GON4L: variants seen among roughly 807,000 people sequenced by gnomAD.
GON4L encodes GON-4-like protein.
Under a neutral mutation model 211.8 loss-of-function variants are expected in GON4L, and 87 were observed. That is an observed-to-expected ratio of 0.41 (90% CI 0.35 to 0.49). The LOEUF (loss-of-function observed/expected upper bound fraction) is 0.49, where lower values mean the gene tolerates loss of function less well. Ranked by LOEUF, GON4L falls within the 20% of genes least tolerant of loss-of-function variation. The pLI is 0.15. For synonymous variants in GON4L, 875 were observed against 962.6 expected, an observed-to-expected ratio of 0.91 and a Z score of 1.68; for missense variants, 2,155 against 2,659.5, an observed-to-expected ratio of 0.81 and a Z score of 4.17.
At chr1:155,755,895 T>C (rs999834433) in intron 27 of GON4L, among the ~76,000 whole-genome samples, 1 of 150,480 alleles carries the variant, frequency 6.6e-6, no homozygotes, top group African/African-American at 2.5e-5. Flanking sequence ...AGAGGTTAAA[T>C]ACGTTTCCCA....
At chr1:155,787,794 A>C (rs114594578) in intron 12 of GON4L, among the ~76,000 whole-genome samples, 4 of 151,712 alleles carry the variant, frequency 2.6e-5, no homozygotes. Context: ...AAATAAATAA[A>C]TTAGCCAGTC....
In GON4L at chr1:155,773,205, C is replaced by G. The variant is rs1019918503; in HGVS notation, c.2356G>C (p.Glu786Gln). The G allele has an allele frequency of 2.5e-6, 4 of 1,613,922 alleles. No homozygotes were observed. In the African/African-American group the frequency reaches 4.0e-5, roughly 16 times the overall value. Residue 786 changes from glutamate (E) to glutamine (Q), a missense_variant, in exon 18 of 32, where the codon GAA becomes CAA. Coordinates refer to ENST00000368331, the MANE Select transcript of GON4L (RefSeq NM_001282860.2). ...PHKTVKKTANEFPCLPKQVAW... is the reference protein window; with the variant it reads ...PHKTVKKTANQFPCLPKQVAW... ...ACTTGCTTTGGCAAACAGGGAAATT[C>G]ATTCGCTATAAGAAAATAAATCTCG...
At chr1:155,772,974 A>G in intron 18 of GON4L, 92 bp downstream of exon 18, 1 of 1,506,878 alleles carries the variant, frequency 6.6e-7, no homozygotes. Context: ...GTGTCTTATT[A>G]TACAAGTCTT....
chr1:155,810,002 A>ATATATATG (rs1236765722), intron 10 of GON4L, among the ~76,000 whole-genome samples: 1 of 133,516 alleles, frequency 7.5e-6, no homozygotes, highest in Admixed American at 8.4e-5. Flanking sequence ...TTATATATAT[A>ATATATATG]TATATATTTT....
chr1:155,816,173 T>C, intron 7 of GON4L, 39 bp downstream of exon 7: 1 of 1,006,780 alleles, frequency 9.9e-7, no homozygotes, highest in Non-Finnish European at 1.6e-6. Flanking sequence ...CGATGAAGTC[T>C]TTCTGGAAAA....
At position 155,811,025 on chromosome 1, in the gene GON4L, A is replaced by C. The variant is rs1219639545; in HGVS notation, c.1452+2609T>G. On this transcript the variant is annotated intron_variant, in intron 10 of 31. Transcript: ENST00000368331. Reference sequence around the variant, plus strand: ...CAGACTGTGACTCCATATCCAAAAAATAAAAAATTACTCACTAAATGTTAG... The same window carrying C: ...CAGACTGTGACTCCATATCCAAAAACTAAAAAATTACTCACTAAATGTTAG... Among the ~76,000 whole-genome samples, 3 of 152,120 alleles carry C rather than the reference A, an allele frequency of 2.0e-5. No individual in the cohort carries two copies. In the East Asian group the frequency reaches 5.8e-4, roughly 29 times the overall value.
intron 2 of GON4L, among the ~76,000 whole-genome samples, chr1:155,842,208 G>C (rs1384107578): frequency 1.3e-5 from 2 of 151,974 alleles, no homozygotes; most frequent in Non-Finnish European, 2.9e-5. Context: ...ATTGTTCCCT[G>C]TTTAACCAGG....
intron 8 of GON4L, 78 bp downstream of exon 8, chr1:155,815,727 T>C: frequency 1.2e-6 from 1 of 842,408 alleles, no homozygotes; most frequent in Admixed American, 1.8e-5. Context: ...CTCAATCCTC[T>C]CTACAAGTGA....
At chr1:155,800,570 T>G (rs1396598690) in intron 11 of GON4L, among the ~76,000 whole-genome samples, 1 of 151,530 alleles carries the variant, frequency 6.6e-6, no homozygotes, top group African/African-American at 2.4e-5. Flanking sequence ...AAAAATGGTT[T>G]AGGCCAGGTG....
At chr1:155,852,654 A>G (rs563078135) in intron 2 of GON4L, among the ~76,000 whole-genome samples, 206 of 152,146 alleles carry the variant, frequency 1.4e-3, no homozygotes, top group Non-Finnish European at 2.5e-3. Flanking sequence ...GAGGCAGGAG[A>G]ATGGCGTGAA....
intron 10 of GON4L, among the ~76,000 whole-genome samples, chr1:155,808,533 T>C (rs1667376550): frequency 6.6e-6 from 1 of 152,198 alleles, no homozygotes; most frequent in Admixed American, 6.5e-5. Context: ...GTTTCTTCCA[T>C]ATGGAGCACT....
At chr1:155,812,714 C>A (rs1296887784) in intron 10 of GON4L, among the ~76,000 whole-genome samples, 1 of 152,070 alleles carries the variant, frequency 6.6e-6, no homozygotes, top group Non-Finnish European at 1.5e-5. Context: ...CGCCACGACA[C>A]CTGGCAAATT....
chr1:155,801,572 A>T (rs1370703568), intron 11 of GON4L, among the ~76,000 whole-genome samples: 3 of 152,082 alleles, frequency 2.0e-5, no homozygotes, highest in Non-Finnish European at 4.4e-5. Flanking sequence ...TCTCTTTTTT[A>T]AAATTTTATT....
intron 12 of GON4L, among the ~76,000 whole-genome samples, chr1:155,786,928 G>GA (rs1665000898): frequency 7.0e-6 from 1 of 143,706 alleles, no homozygotes; most frequent in South Asian, 2.2e-4. Flanking sequence ...GAGTTTTTTC[G>GA]TTTTTTTTTT....
Position 155,773,288 on chromosome 1 carries a change from G to C in GON4L, c.2351-78C>G, listed in dbSNP as rs1663403718. The C allele has an allele frequency of 2.6e-6, 4 of 1,549,014 alleles. No individual in the cohort carries two copies. In the South Asian group the frequency reaches 4.5e-5, roughly 17 times the overall value. On this transcript the variant is annotated intron_variant, in intron 17 of 31. Coordinates refer to ENST00000368331, the MANE Select transcript of GON4L (RefSeq NM_001282860.2). The stretch of plus-strand genomic sequence containing the variant: ...CATAAAAGCCTGTGAATGCATTTTT[G>C]CATTTAGGTAGGAGCTATCCTTACC...
At chr1:155,824,898 C>T (rs907557991) in intron 3 of GON4L, among the ~76,000 whole-genome samples, 2 of 151,872 alleles carry the variant, frequency 1.3e-5, no homozygotes, top group South Asian at 2.1e-4. Context: ...TGCCTGTAAT[C>T]CCAGCACTTT....
At chr1:155,828,036 T>C (rs903979241) in intron 2 of GON4L, among the ~76,000 whole-genome samples, 7 of 151,956 alleles carry the variant, frequency 4.6e-5, no homozygotes, top group African/African-American at 1.7e-4. Flanking sequence ...TACACACCTG[T>C]GGTCCCAGCT....
chr1:155,827,148 A>G, intron 2 of GON4L, 120 bp from the exon 3 acceptor site: 1 of 753,656 alleles, frequency 1.3e-6, no homozygotes, highest in South Asian at 1.5e-5. Context: ...AGCATATACT[A>G]TATAGGAATT....
At chr1:155,813,537 T>C in intron 10 of GON4L, 97 bp downstream of exon 10, 4 of 898,754 alleles carry the variant, frequency 4.5e-6, no homozygotes, top group Non-Finnish European at 7.3e-6. Context: ...CTTACTTATA[T>C]AAAATTGTAG....
Sources: allele counts gnomAD v4.1 joint callset (sites outside exome capture counted in the v4.1 genomes callset), GRCh38; gene constraint gnomAD v4.1.1; transcripts MANE v1.5; gene names NCBI Gene and HGNC (gene_info 2026-07-23, HGNC 2026-07-21).